PPP1R2: variants seen among roughly 807,000 people sequenced by gnomAD.
PPP1R2 encodes the protein protein phosphatase inhibitor 2.
Under a neutral mutation model 29.9 loss-of-function variants are expected in PPP1R2, and 16 were observed. The ratio of observed to expected loss-of-function variants is 0.53; its 90% CI spans 0.36 to 0.81. The LOEUF (loss-of-function observed/expected upper bound fraction) is 0.81, where lower values mean the gene tolerates loss of function less well. Among genes scored for constraint, PPP1R2 ranks in the 30% least tolerant of loss-of-function variants. The probability of loss-of-function intolerance (pLI) is 0.00; values close to 1 mark genes in which losing one functional copy is unlikely to be tolerated. For missense variants in PPP1R2, 197 were observed against 252.7 expected (o/e 0.78, Z 1.49); for synonymous variants, 76 against 91.5 (o/e 0.83, Z 0.96).
chr3:195,533,549 G>A (rs904876650), intron 1 of PPP1R2, among the ~76,000 whole-genome samples: 1 of 152,164 alleles, frequency 6.6e-6, no homozygotes, highest in African/African-American at 2.4e-5. Context: ...GCATTCCCAA[G>A]AAGCAAAGTT....
rs1718561617 is a variant in PPP1R2, at chr3:195,516,751, A to G, written c.*145T>C. 6 of 672,052 alleles carry G rather than the reference A, an allele frequency of 8.9e-6. No homozygotes were observed. The highest frequency in any genetic ancestry group is 1.3e-5 in the Non-Finnish European group (5 of 392,306). The allele number at this position is 672,052 out of a possible 1,614,324, so 41.6% of individuals were successfully genotyped here. A position where few individuals can be genotyped will look rare whatever the true frequency, so the allele number is the denominator to read the frequency against. ...GGCATTTTCAGTCTAATCAGTCTCTAAGTTTATCATTTAATTCTTGGCAAT... is the reference window on the plus strand; with the variant it reads ...GGCATTTTCAGTCTAATCAGTCTCTGAGTTTATCATTTAATTCTTGGCAAT... On this transcript the variant is annotated 3_prime_UTR_variant, in exon 6 of 6. Transcript: ENST00000618156.
intron 1 of PPP1R2, among the ~76,000 whole-genome samples, chr3:195,538,276 T>C (rs2108954795): frequency 6.6e-6 from 1 of 152,382 alleles, no homozygotes; most frequent in Non-Finnish European, 1.5e-5. Context: ...CTGGAACTTC[T>C]TGTTGCTTGT....
At chr3:195,531,203 C>T (rs922283266) in intron 1 of PPP1R2, among the ~76,000 whole-genome samples, 6 of 152,128 alleles carry the variant, frequency 3.9e-5, no homozygotes, top group African/African-American at 7.2e-5. Context: ...TAATTAAATG[C>T]TTTCATTTTA....
chr3:195,526,466 A>T (rs1718974676), intron 2 of PPP1R2, among the ~76,000 whole-genome samples: 2 of 152,324 alleles, frequency 1.3e-5, no homozygotes, highest in Admixed American at 1.3e-4. Context: ...GTGAACTGAT[A>T]AAAGCAGGAC....
In PPP1R2 at chr3:195,542,978, C is replaced by T. The variant is rs954370962; in HGVS notation, c.48G>A (p.Lys16=). ...TAGAGGAAGTCGTAGAGGTCTTGTTCTTCAAGATCCCCTTGATGGGCCGGT... is the reference window on the plus strand; with the variant it reads ...TAGAGGAAGTCGTAGAGGTCTTGTTTTTCAAGATCCCCTTGATGGGCCGGT... ...ASHRPIKGIL[K]NKTSTTSSMV... is the part of the protein sequence containing the mutation. Residue 16 remains lysine, a synonymous_variant, in exon 1 of 6, where the codon AAG becomes AAA. Transcript: ENST00000618156. The T allele has an allele frequency of 5.6e-6, 9 of 1,602,586 alleles. No individual in the cohort carries two copies. The highest frequency in any genetic ancestry group is 1.7e-4 in the Middle Eastern group (1 of 5,824).
At chr3:195,534,509 A>G (rs941064244) in intron 1 of PPP1R2, among the ~76,000 whole-genome samples, 17 of 152,180 alleles carry the variant, frequency 1.1e-4, no homozygotes, top group African/African-American at 4.1e-4. Flanking sequence ...TCTTGTGCCA[A>G]TGCAGTAGGG....
In PPP1R2 at chr3:195,518,623, C is replaced by T. The variant is rs182798112; in HGVS notation, c.571+395G>A. On this transcript the variant is annotated intron_variant, in intron 5 of 5. Coordinates refer to ENST00000618156, the MANE Select transcript of PPP1R2 (RefSeq NM_006241.8). The stretch of plus-strand genomic sequence containing the variant: ...CCGAGATCACGCCACTGCACTCCAG[C>T]CTGGGTGACAGAGCGAGACTCTGTC... 2.5e-3 allele frequency among the ~76,000 whole-genome samples: 382 copies of T among 150,774 alleles called. 3 individuals carry two copies. The highest frequency in any genetic ancestry group is 9.0e-3 in the African/African-American group (370 of 40,974).
chr3:195,535,671 T>C (rs958623636), intron 1 of PPP1R2, among the ~76,000 whole-genome samples: 2 of 152,190 alleles, frequency 1.3e-5, no homozygotes, highest in African/African-American at 4.8e-5. Context: ...CGGAAGAATA[T>C]GTAGAAGAAG....
chr3:195,525,591 G>A (rs1718941567), intron 2 of PPP1R2, among the ~76,000 whole-genome samples: 2 of 152,112 alleles, frequency 1.3e-5, no homozygotes, highest in Admixed American at 6.5e-5. Flanking sequence ...TTAAGATAGA[G>A]ACAAAAGATC....
chr3:195,524,308 G>A (rs1279837682), intron 3 of PPP1R2, among the ~76,000 whole-genome samples: 1 of 152,188 alleles, frequency 6.6e-6, no homozygotes, highest in Non-Finnish European at 1.5e-5. Context: ...GATCTCTTGA[G>A]GTCAAGAGTT....
At chr3:195,532,072 C>A (rs1719200204) in intron 1 of PPP1R2, among the ~76,000 whole-genome samples, 1 of 152,062 alleles carries the variant, frequency 6.6e-6, no homozygotes, top group Non-Finnish European at 1.5e-5. Context: ...CTCTGTCACC[C>A]CAGGCTAGAG....
In PPP1R2 at chr3:195,516,926, G is replaced by A. The variant is rs758396593; in HGVS notation, c.588C>T (p.Asp196=). 1.9e-6 allele frequency: 3 copies of A among 1,612,440 alleles called. No individual in the cohort carries two copies. The highest frequency in any genetic ancestry group is 2.7e-5 in the African/African-American group (2 of 74,852). Residue 196 remains aspartate, a synonymous_variant, in exon 6 of 6, where the codon GAC becomes GAT. Transcript: ENST00000618156. ...AACTTCGTAATTTGTTTTGCTGTTGGTCACTTGGAGTAGATCCTGCAAAGA... is the reference window on the plus strand; with the variant it reads ...AACTTCGTAATTTGTTTTGCTGTTGATCACTTGGAGTAGATCCTGCAAAGA... The part of the protein sequence containing the change: ...EESNQGSTPS[D]QQQNKLRSS
At chr3:195,519,880 T>C (rs1242201471) in intron 4 of PPP1R2, among the ~76,000 whole-genome samples, 5 of 149,792 alleles carry the variant, frequency 3.3e-5, no homozygotes, top group South Asian at 2.1e-4. Flanking sequence ...TATGAATACA[T>C]AATTTTAAGG....
intron 1 of PPP1R2, among the ~76,000 whole-genome samples, chr3:195,539,702 G>C (rs560251339): frequency 1.3e-5 from 2 of 152,086 alleles, no homozygotes; most frequent in African/African-American, 4.8e-5. Context: ...AAAAAAAGAC[G>C]TAAGCACTAA....
At chr3:195,539,876 T>C (rs746698933) in intron 1 of PPP1R2, among the ~76,000 whole-genome samples, 2 of 152,032 alleles carry the variant, frequency 1.3e-5, no homozygotes, top group Non-Finnish European at 2.9e-5. Context: ...GGACATTGAG[T>C]TTTGAGAATT....
At chr3:195,526,603 C>T (rs1718979761) in intron 2 of PPP1R2, among the ~76,000 whole-genome samples, 1 of 152,036 alleles carries the variant, frequency 6.6e-6, no homozygotes, top group Non-Finnish European at 1.5e-5. Context: ...ATGGCCATAG[C>T]TATTCTGAAA....
chr3:195,537,481 T>G (rs1234989621), intron 1 of PPP1R2, among the ~76,000 whole-genome samples: 1 of 128,516 alleles, frequency 7.8e-6, no homozygotes, highest in Non-Finnish European at 1.6e-5. Context: ...GGATTAGCTA[T>G]TGTGTGTGTG....
chr3:195,532,517 G>T (rs1719224271), intron 1 of PPP1R2, among the ~76,000 whole-genome samples: 1 of 152,068 alleles, frequency 6.6e-6, no homozygotes, highest in African/African-American at 2.4e-5. Flanking sequence ...GCTTCTGCCT[G>T]TCACATAGTT....
intron 1 of PPP1R2, 70 bp from the exon 2 acceptor site, chr3:195,529,971 A>C: frequency 9.1e-7 from 1 of 1,097,066 alleles, no homozygotes; most frequent in Non-Finnish European, 1.3e-6. Context: ...AAATTCACAA[A>C]TGTCCAAATT....
Sources: allele counts gnomAD v4.1 joint callset (sites outside exome capture counted in the v4.1 genomes callset), GRCh38; gene constraint gnomAD v4.1.1; transcripts MANE v1.5; gene names NCBI Gene and HGNC (gene_info 2026-07-23, HGNC 2026-07-21).